The following ZIM2 variants were observed in gnomAD, a reference collection of about 807,000 sequenced individuals.
The protein encoded by ZIM2 is zinc finger imprinted 2.
In ZIM2, 14 loss-of-function variants were observed where a neutral mutation model predicts 38.6. The ratio of observed to expected loss-of-function variants is 0.36; its 90% CI spans 0.24 to 0.57. The LOEUF is 0.57. Ranked by LOEUF, ZIM2 falls within the 20% of genes least tolerant of loss-of-function variation. The pLI, the probability that ZIM2 is intolerant of heterozygous loss-of-function variation, is 0.81. For missense variants in ZIM2, 680 were observed against 695.1 expected, an observed-to-expected ratio of 0.98 and a Z score of 0.24; for synonymous variants, 247 against 245.8, an observed-to-expected ratio of 1.00 and a Z score of -0.04.
chr19:56,781,314 C>T (rs1349333407), intron 11 of ZIM2, among the ~76,000 whole-genome samples: 2 of 151,800 alleles, frequency 1.3e-5, no homozygotes, highest in African/African-American at 2.4e-5. Flanking sequence ...GAGCTTGGCA[C>T]TGGCAACGTA....
chr19:56,790,279 A>G (rs2046860347), intron 9 of ZIM2, among the ~76,000 whole-genome samples: 1 of 152,234 alleles, frequency 6.6e-6, no homozygotes, highest in African/African-American at 2.4e-5. Context: ...TAAAGCAGAA[A>G]TAATGACAAT....
chr19:56,811,549 T>C, intron 9 of ZIM2: 1 of 985,244 alleles, frequency 1.0e-6, no homozygotes, highest in East Asian at 1.1e-4. Flanking sequence ...TAGCTGAAGG[T>C]TGGAACGGAC....
intron 2 of ZIM2, chr19:56,833,184 T>C: frequency 3.9e-6 from 2 of 516,938 alleles, no homozygotes; most frequent in Middle Eastern, 3.2e-4. Context: ...TCCCATCTGA[T>C]GCAGGAGAAA....
At chr19:56,792,162 C>G (rs537350702) in intron 9 of ZIM2, among the ~76,000 whole-genome samples, 1 of 151,648 alleles carries the variant, frequency 6.6e-6, no homozygotes, top group Non-Finnish European at 1.5e-5. Context: ...AAAGCCAAAC[C>G]CACATAGGCA....
intron 9 of ZIM2, 106 bp from the exon 10 acceptor site, chr19:56,790,057 C>G (rs1264927246): frequency 1.0e-5 from 9 of 867,850 alleles, no homozygotes; most frequent in Non-Finnish European, 1.3e-5. Flanking sequence ...TGGGAAGGAA[C>G]AGCAGCTCTA....
At position 56,824,776 on chromosome 19, in the gene ZIM2, A is replaced by G. The variant is rs534311550; in HGVS notation, c.-150-349T>C. 4.5e-5 allele frequency: 44 copies of G among 970,240 alleles called. No homozygotes were observed. In the East Asian group the frequency reaches 1.0e-3, roughly 23 times the overall value. 60.1% of individuals were successfully genotyped at this position (970,240 alleles called of 1,614,324 possible). ...GTAAGGAGATATACACATGTCCCAG[A>G]AGTTGAAGACCAGGCAGCAGTGGAG... On this transcript the variant is annotated intron_variant, in intron 3 of 12. Coordinates refer to ENST00000629319, the MANE Select transcript of ZIM2 (RefSeq NM_001387356.1).
intron 9 of ZIM2, chr19:56,810,122 A>G: frequency 1.0e-6 from 1 of 960,408 alleles, no homozygotes; most frequent in Non-Finnish European, 1.2e-6. Flanking sequence ...ACTATTACAG[A>G]TAGAATGACC....
At position 56,789,882 on chromosome 19, in the gene ZIM2, G is replaced by C. The variant is rs771573930; in HGVS notation, c.560C>G (p.Ala187Gly). 1.3e-6 allele frequency: 2 copies of C among 1,575,746 alleles called. No individual in the cohort carries two copies. Among genetic ancestry groups the C allele is most frequent in the East Asian group, 4.5e-5 (2 of 44,126 alleles). The change falls in exon 10 of 13, where the codon GCT becomes GGT. Residue 187 changes from alanine to glycine, a missense_variant. Ala to Gly is a moderately conservative substitution (Grantham distance 60). Transcript: ENST00000629319. ...NTEMLDNLPS[A>G]GSQFPDFKHL... is the part of the protein sequence containing the mutation. ...GAAAGCCTGACTCACCTGGGACCCA[G>C]CAGATGGCAGATTGTCTAACATCTC...
intron 7 of ZIM2, among the ~76,000 whole-genome samples, chr19:56,820,311 T>C (rs966455740): frequency 5.9e-5 from 9 of 152,264 alleles, no homozygotes; most frequent in Non-Finnish European, 1.2e-4. Flanking sequence ...ATGTAATTTG[T>C]GTCATTTGCT....
chr19:56,822,158 A>T (rs188692262), intron 6 of ZIM2, among the ~76,000 whole-genome samples: 57 of 152,236 alleles, frequency 3.7e-4, no homozygotes, highest in Non-Finnish European at 7.1e-4. Context: ...TTGTGTTGTG[A>T]ACCGTCACTA....
intron 12 of ZIM2, among the ~76,000 whole-genome samples, chr19:56,775,878 G>T (rs917876809): frequency 6.6e-6 from 1 of 151,996 alleles, no homozygotes; most frequent in Non-Finnish European, 1.5e-5. Flanking sequence ...GAGATGGGCG[G>T]ATCACAAGGT....
chr19:56,813,659 C>A lies in ZIM2; in HGVS notation c.490+4087G>T, dbSNP rs1469266180. On this transcript the variant is annotated intron_variant, in intron 9 of 12. Transcript: ENST00000629319. ...CAAGTCCTAGGTGAAGGTTTTCTAA[C>A]CTTTACCCCATGCCCTCAGCCAGTG... The A allele has an allele frequency of 6.2e-6, 10 of 1,604,868 alleles. 1 individual carries two copies. The African/African-American group carries it at 1.2e-4, about 19-fold the overall frequency.
At chr19:56,822,396 T>C (rs938220956) in intron 6 of ZIM2, 2 of 222,616 alleles carry the variant, frequency 9.0e-6, no homozygotes, top group Admixed American at 5.3e-5. Context: ...TAGTTAACAA[T>C]ATTGTTACAA....
intron 9 of ZIM2, chr19:56,790,997 ATATT>A (rs1175877344): frequency 6.6e-6 from 1 of 152,016 alleles, no homozygotes; most frequent in Non-Finnish European, 1.5e-5. Context: ...CCTTGCCTAT[ATATT>A]CTCTTTTCTC....
intron 3 of ZIM2, among the ~76,000 whole-genome samples, chr19:56,826,176 C>G (rs1371577548): frequency 6.6e-6 from 1 of 152,180 alleles, no homozygotes; most frequent in Non-Finnish European, 1.5e-5. Flanking sequence ...ACCAGAGAGT[C>G]CAGGCTCCAG....
intron 10 of ZIM2, among the ~76,000 whole-genome samples, chr19:56,789,266 A>T (rs536614560): frequency 6.6e-6 from 1 of 152,366 alleles, no homozygotes; most frequent in South Asian, 2.1e-4. Flanking sequence ...TAGTTCATCT[A>T]AAATTCAAAT....
chr19:56,829,240 A>T (rs113103167), intron 2 of ZIM2, among the ~76,000 whole-genome samples: 5,796 of 151,264 alleles, frequency 0.038, 357 homozygotes, highest in African/African-American at 0.13. Context: ...GCTACTCAGG[A>T]GGCTGAGGCA....
chr19:56,794,134 A>C (rs1423318445), intron 9 of ZIM2, among the ~76,000 whole-genome samples: 2 of 152,262 alleles, frequency 1.3e-5, no homozygotes, highest in Non-Finnish European at 2.9e-5. Flanking sequence ...GGAAACCTGT[A>C]CATAACAATA....
At chr19:56,837,739 C>T (rs2062335758) in intron 1 of ZIM2, among the ~76,000 whole-genome samples, 1 of 152,234 alleles carries the variant, frequency 6.6e-6, no homozygotes, top group Admixed American at 6.5e-5. Flanking sequence ...CACGGCTCTA[C>T]GGCCCTGCCT....
Sources: allele counts gnomAD v4.1 joint callset (sites outside exome capture counted in the v4.1 genomes callset), GRCh38; gene constraint gnomAD v4.1.1; transcripts MANE v1.5; gene names NCBI Gene and HGNC (gene_info 2026-07-23, HGNC 2026-07-21).